The following TLK2 variants were observed in gnomAD, a reference collection of about 807,000 sequenced individuals.
TLK2 encodes the protein tousled like kinase 2, also known as serine/threonine-protein kinase tousled-like 2.
A neutral mutation model predicts 117.3 loss-of-function variants in TLK2; 6 were observed. That is an observed-to-expected ratio of 0.05 (90% confidence interval 0.03 to 0.10). The LOEUF (loss-of-function observed/expected upper bound fraction) is 0.10, where lower values mean the gene tolerates loss of function less well. Among genes scored for constraint, TLK2 ranks in the 10% least tolerant of loss-of-function variants. TLK2 has a pLI of 1.00. For synonymous variants in TLK2, 257 were observed against 316.7 expected (o/e 0.81, Z 2.00); for missense variants, 299 against 901.2 (o/e 0.33, Z 8.56).
At chr17:62,500,067 T>C (rs1386719031) in intron 2 of TLK2, among the ~76,000 whole-genome samples, 1 of 152,002 alleles carries the variant, frequency 6.6e-6, no homozygotes, top group African/African-American at 2.4e-5. Context: ...GTCTTTATTA[T>C]TATTATTTTA....
intron 21 of TLK2, among the ~76,000 whole-genome samples, chr17:62,611,488 C>T (rs1334017270): frequency 6.6e-6 from 1 of 152,180 alleles, no homozygotes; most frequent in Non-Finnish European, 1.5e-5. Flanking sequence ...TTCCCTTATA[C>T]CGCCTGCTGT....
chr17:62,508,110 ATTTGT>A (rs2074854397), intron 2 of TLK2, among the ~76,000 whole-genome samples: 1 of 151,452 alleles, frequency 6.6e-6, no homozygotes, highest in Admixed American at 6.6e-5. Context: ...GACTAGTTAA[ATTTGT>A]TTAAATTTGT....
chr17:62,523,252 C>T, intron 5 of TLK2, 75 bp downstream of exon 5: 4 of 1,541,922 alleles, frequency 2.6e-6, no homozygotes, highest in Non-Finnish European at 3.5e-6. Context: ...TTTTAAAAAA[C>T]CCTAAATCCT....
chr17:62,581,621 T>A (rs947606624), intron 15 of TLK2, among the ~76,000 whole-genome samples: 2 of 151,850 alleles, frequency 1.3e-5, no homozygotes, highest in African/African-American at 2.4e-5. Context: ...TATTTTTTTT[T>A]ATAGTGACAG....
Position 62,590,416 on chromosome 17 carries a change from C to G in TLK2, c.1460+4190C>G, listed in dbSNP as rs1354663092. ...ATCGCGCCACTGTATGTACTCCAGC[C>G]TGGGCGACAGAGCGAGACTCCGTCT... is the stretch of plus-strand genomic sequence containing the variant. On this transcript the variant is annotated intron_variant, in intron 16 of 21. Transcript: ENST00000346027. Among the ~76,000 whole-genome samples, 7 of 152,230 alleles carry G rather than the reference C, an allele frequency of 4.6e-5. No homozygotes were observed. In the East Asian group the frequency reaches 9.8e-4, roughly 21 times the overall value.
chr17:62,489,975 C>A (rs143700893), intron 2 of TLK2, among the ~76,000 whole-genome samples: 1 of 152,126 alleles, frequency 6.6e-6, no homozygotes, highest in African/African-American at 2.4e-5. Flanking sequence ...GAATTACAGG[C>A]GCCCACCACC....
intron 7 of TLK2, among the ~76,000 whole-genome samples, chr17:62,544,202 T>C (rs2077739537): frequency 6.6e-6 from 1 of 152,202 alleles, no homozygotes; most frequent in African/African-American, 2.4e-5. Flanking sequence ...TATTAGCCCA[T>C]TCTCACACTG....
At chr17:62,561,337 T>C (rs745939401) in intron 10 of TLK2, among the ~76,000 whole-genome samples, 93 of 152,368 alleles carry the variant, frequency 6.1e-4, no homozygotes, top group South Asian at 1.7e-3. Context: ...CCTTTGGGTA[T>C]ATACCCAGTA....
chr17:62,494,696 G>T (rs1221906291), intron 2 of TLK2, among the ~76,000 whole-genome samples: 1 of 152,210 alleles, frequency 6.6e-6, no homozygotes, highest in African/African-American at 2.4e-5. Context: ...GAGCCACCGT[G>T]CCTGGCCCAG....
chr17:62,513,316 G>GT (rs1375789485), intron 2 of TLK2, among the ~76,000 whole-genome samples: 4 of 111,528 alleles, frequency 3.6e-5, no homozygotes, highest in African/African-American at 1.4e-4. Context: ...TTATTAAATT[G>GT]CCTTTTTTTT....
chr17:62,556,212 G>A (rs1215625462), intron 9 of TLK2, among the ~76,000 whole-genome samples: 2 of 152,084 alleles, frequency 1.3e-5, no homozygotes, highest in Non-Finnish European at 2.9e-5. Flanking sequence ...ACTGCGCTCG[G>A]CCTATATTAT....
intron 2 of TLK2, among the ~76,000 whole-genome samples, chr17:62,494,283 A>C (rs2073419930): frequency 6.6e-6 from 1 of 152,138 alleles, no homozygotes; most frequent in Non-Finnish European, 1.5e-5. Context: ...GGGTTTCACC[A>C]TGCTGGCCAG....
At chr17:62,482,181 T>G (rs1180618371) in intron 2 of TLK2, among the ~76,000 whole-genome samples, 30 of 152,054 alleles carry the variant, frequency 2.0e-4, no homozygotes. Context: ...ACTCCTGACC[T>G]CAGGTGATCC....
At chr17:62,538,033 GTTTTTT>G (rs57512334) in intron 7 of TLK2, among the ~76,000 whole-genome samples, 1 of 106,164 alleles carries the variant, frequency 9.4e-6, no homozygotes. Context: ...TTAAATCTTT[GTTTTTT>G]TTTTTTTTTT....
intron 16 of TLK2, among the ~76,000 whole-genome samples, chr17:62,592,955 C>G (rs2082186960): frequency 6.6e-6 from 1 of 152,132 alleles, no homozygotes; most frequent in Non-Finnish European, 1.5e-5. Flanking sequence ...GTTTGCACTC[C>G]TATGAGAATC....
intron 2 of TLK2, among the ~76,000 whole-genome samples, chr17:62,484,363 C>T (rs1465211534): frequency 6.6e-6 from 1 of 151,862 alleles, no homozygotes; most frequent in Non-Finnish European, 1.5e-5. Flanking sequence ...GTGGCGCGAT[C>T]TCAGCTCACT....
chr17:62,487,572 T>C (rs186495125), intron 2 of TLK2, among the ~76,000 whole-genome samples: 1 of 150,180 alleles, frequency 6.7e-6, no homozygotes, highest in East Asian at 2.0e-4. Context: ...AAATTTATGA[T>C]ATTCTTTTAA....
rs529337483 is a variant in TLK2, at chr17:62,497,058, A to T, written c.81+15852A>T. Among the ~76,000 whole-genome samples, 7 of 151,918 alleles carry T rather than the reference A, an allele frequency of 4.6e-5. No individual in the cohort carries two copies. In the South Asian group the frequency reaches 1.5e-3, roughly 32 times the overall value. Reference sequence around the variant, plus strand: ...GGACCATTGAGCCTAGGAGTTTGAGACCAGCCTGGGCAAAGTGGTGAAACC... The same window carrying T: ...GGACCATTGAGCCTAGGAGTTTGAGTCCAGCCTGGGCAAAGTGGTGAAACC... On this transcript the variant is annotated intron_variant, in intron 2 of 21. Transcript: ENST00000346027.
At chr17:62,475,315 G>A (rs908574176), upstream of TLK2, among the ~76,000 whole-genome samples, 8 of 151,918 alleles carry the variant, frequency 5.3e-5, no homozygotes, top group African/African-American at 1.5e-4. Flanking sequence ...TGCCCCACCT[G>A]TTCTACACTG....
Sources: gnomAD v4.1 joint callset for allele counts (sites outside exome capture counted in the v4.1 genomes callset) on GRCh38, gnomAD v4.1.1 for gene constraint, MANE v1.5 for transcripts, NCBI Gene and HGNC (gene_info 2026-07-23, HGNC 2026-07-21) for gene names.